The following ROBO1 variants were observed in gnomAD, a reference collection of about 807,000 sequenced individuals.
ROBO1 encodes the protein roundabout homolog 1.
Under a neutral mutation model 195.9 loss-of-function variants are expected in ROBO1, and 149 were observed. The observed-to-expected ratio is 0.76, with a 90% CI of 0.67 to 0.87. The LOEUF is 0.87. Ranked by LOEUF, ROBO1 falls within the 40% of genes least tolerant of loss-of-function variation. ROBO1 has a pLI of 0.00. For synonymous variants in ROBO1, 816 were observed against 733.2 expected (o/e 1.11, Z -1.82); for missense variants, 1,933 against 2,068.3 (o/e 0.93, Z 1.27).
chr3:79,601,619 A>G (rs1944341783), intron 1 of ROBO1, among the ~76,000 whole-genome samples: 1 of 151,974 alleles, frequency 6.6e-6, no homozygotes, highest in Non-Finnish European at 1.5e-5. Context: ...TGCAGAAGAG[A>G]TGGAGTACAA....
intron 1 of ROBO1, among the ~76,000 whole-genome samples, chr3:79,753,269 T>A (rs556043324): frequency 1.3e-5 from 2 of 151,000 alleles, no homozygotes; most frequent in African/African-American, 4.9e-5. Flanking sequence ...ATGATTGGGG[T>A]GCAAACTGGA....
At chr3:79,750,165 G>T (rs567912278) in intron 1 of ROBO1, among the ~76,000 whole-genome samples, 21 of 152,330 alleles carry the variant, frequency 1.4e-4, no homozygotes, top group Non-Finnish European at 2.2e-4. Context: ...GAGCTTTAAG[G>T]TTCTACTACT....
At chr3:79,058,131 C>T (rs772480117) in intron 3 of ROBO1, among the ~76,000 whole-genome samples, 1 of 151,798 alleles carries the variant, frequency 6.6e-6, no homozygotes, top group Non-Finnish European at 1.5e-5. Flanking sequence ...AAAACCATGC[C>T]CTAAAAATTT....
At chr3:79,757,111 A>T (rs532708866) in intron 1 of ROBO1, among the ~76,000 whole-genome samples, 83 of 152,312 alleles carry the variant, frequency 5.4e-4, no homozygotes, top group Non-Finnish European at 9.7e-4. Flanking sequence ...GTGAATAAGG[A>T]TGTACAAACA....
chr3:78,985,532 G>A (rs1473384843), intron 3 of ROBO1, among the ~76,000 whole-genome samples: 6 of 152,048 alleles, frequency 3.9e-5, no homozygotes, highest in African/African-American at 9.7e-5. Flanking sequence ...AGGGTCAACT[G>A]TAATTTTATT....
chr3:79,073,031 T>A (rs931314229), intron 3 of ROBO1, among the ~76,000 whole-genome samples: 4 of 152,014 alleles, frequency 2.6e-5, no homozygotes, highest in African/African-American at 9.7e-5. Context: ...TTGCATATTC[T>A]ACTAAAAACT....
At chr3:78,711,243 G>C (rs1014620818) in intron 8 of ROBO1, among the ~76,000 whole-genome samples, 2 of 151,230 alleles carry the variant, frequency 1.3e-5, no homozygotes, top group Non-Finnish European at 3.0e-5. Flanking sequence ...TTTTCCCTAG[G>C]ATGTCCCTGT....
At chr3:78,679,567 C>G (rs2080837274) in intron 10 of ROBO1, among the ~76,000 whole-genome samples, 1 of 152,078 alleles carries the variant, frequency 6.6e-6, no homozygotes, top group African/African-American at 2.4e-5. Flanking sequence ...TGAGTGAACT[C>G]CCATTCACAA....
intron 1 of ROBO1, among the ~76,000 whole-genome samples, chr3:79,597,855 T>C (rs1944225669): frequency 1.3e-5 from 2 of 152,100 alleles, no homozygotes; most frequent in African/African-American, 4.8e-5. Context: ...CAACAGAGTT[T>C]AGCAGGAGTT....
At chr3:79,341,077 G>A (rs1333228953) in intron 2 of ROBO1, among the ~76,000 whole-genome samples, 1 of 152,176 alleles carries the variant, frequency 6.6e-6, no homozygotes, top group Non-Finnish European at 1.5e-5. Flanking sequence ...GAATTTGGAA[G>A]GTGGGTAAGT....
At chr3:79,445,607 C>G (rs1324434174) in intron 2 of ROBO1, among the ~76,000 whole-genome samples, 1 of 150,414 alleles carries the variant, frequency 6.6e-6, no homozygotes, top group Non-Finnish European at 1.5e-5. Flanking sequence ...TCAAGCAATC[C>G]TATCTCACCC....
intron 4 of ROBO1, among the ~76,000 whole-genome samples, chr3:78,884,135 C>T (rs1413572728): frequency 6.6e-6 from 1 of 152,042 alleles, no homozygotes; most frequent in Non-Finnish European, 1.5e-5. Context: ...AAAAAATGAA[C>T]AGTTAGATGC....
At chr3:79,466,769 C>T (rs1937982823) in intron 2 of ROBO1, among the ~76,000 whole-genome samples, 1 of 152,042 alleles carries the variant, frequency 6.6e-6, no homozygotes, top group Non-Finnish European at 1.5e-5. Context: ...TATTAATTTA[C>T]TTAGAGAAAT....
chr3:79,701,875 T>A (rs1434629717), intron 1 of ROBO1, among the ~76,000 whole-genome samples: 1 of 151,816 alleles, frequency 6.6e-6, no homozygotes, highest in Non-Finnish European at 1.5e-5. Context: ...CTACTAAAAT[T>A]AAGTTCATCT....
At chr3:78,693,351 A>G in intron 8 of ROBO1, 2 of 1,549,562 alleles carry the variant, frequency 1.3e-6, no homozygotes, top group Non-Finnish European at 1.7e-6. Context: ...AACTTACCAG[A>G]CCCAACTAAA....
intron 1 of ROBO1, among the ~76,000 whole-genome samples, chr3:79,701,867 A>G (rs933981944): frequency 3.3e-5 from 5 of 151,800 alleles, no homozygotes; most frequent in Non-Finnish European, 5.9e-5. Context: ...CAAATATACT[A>G]CTAAAATTAA....
intron 3 of ROBO1, among the ~76,000 whole-genome samples, chr3:79,030,466 G>A (rs997723058): frequency 4.6e-5 from 7 of 152,142 alleles, no homozygotes; most frequent in African/African-American, 1.7e-4. Flanking sequence ...GAATGTTTTG[G>A]TTTATGTAAG....
At chr3:79,103,237 A>G (rs1576676399) in intron 3 of ROBO1, among the ~76,000 whole-genome samples, 1 of 151,810 alleles carries the variant, frequency 6.6e-6, no homozygotes, top group Admixed American at 6.6e-5. Flanking sequence ...TAATTGAAAA[A>G]CAACAAAAAC....
chr3:79,508,344 A>G (rs1050688287), intron 2 of ROBO1, among the ~76,000 whole-genome samples: 11 of 152,280 alleles, frequency 7.2e-5, no homozygotes, highest in African/African-American at 2.6e-4. Context: ...AGCTATCTAC[A>G]AACCAAACAG....
Sources: gnomAD v4.1 joint callset for allele counts (sites outside exome capture counted in the v4.1 genomes callset) on GRCh38, gnomAD v4.1.1 for gene constraint, MANE v1.5 for transcripts, NCBI Gene and HGNC (gene_info 2026-07-23, HGNC 2026-07-21) for gene names.